The following TMCC1 variants were observed in gnomAD, a reference collection of about 807,000 sequenced individuals.
TMCC1 encodes the protein transmembrane and coiled-coil domains protein 1.
Under a neutral mutation model 52.4 loss-of-function variants are expected in TMCC1, and 15 were observed. The observed-to-expected ratio is 0.29, with a 90% confidence interval of 0.19 to 0.44. TMCC1 has a LOEUF of 0.44. Among genes scored for constraint, TMCC1 ranks in the 20% least tolerant of loss-of-function variants. The pLI is 1.00. For missense variants in TMCC1, 503 were observed against 806.0 expected, an observed-to-expected ratio of 0.62 and a Z score of 4.55; for synonymous variants, 279 against 301.9, an observed-to-expected ratio of 0.92 and a Z score of 0.79.
At chr3:129,674,809 G>A (rs2088261693) in intron 4 of TMCC1, among the ~76,000 whole-genome samples, 1 of 152,184 alleles carries the variant, frequency 6.6e-6, no homozygotes, top group African/African-American at 2.4e-5. Context: ...GGCATATTAG[G>A]CTGTTCATAT....
intron 4 of TMCC1, among the ~76,000 whole-genome samples, chr3:129,717,834 A>G (rs996642898): frequency 1.3e-5 from 2 of 152,172 alleles, no homozygotes; most frequent in South Asian, 2.1e-4. Context: ...TCTTGCCCAC[A>G]TATCTGTTCT....
At chr3:129,753,080 C>T (rs1460851419) in intron 4 of TMCC1, among the ~76,000 whole-genome samples, 1 of 152,180 alleles carries the variant, frequency 6.6e-6, no homozygotes, top group Non-Finnish European at 1.5e-5. Flanking sequence ...GGCCCTTCCT[C>T]CAACTCTGGG....
At chr3:129,720,475 A>C (rs188930164) in intron 4 of TMCC1, among the ~76,000 whole-genome samples, 19 of 152,256 alleles carry the variant, frequency 1.2e-4, no homozygotes, top group Middle Eastern at 6.8e-3. Context: ...ATGAGTGTTA[A>C]AAAGAAAAAA....
At chr3:129,736,422 A>G (rs924205485) in intron 4 of TMCC1, among the ~76,000 whole-genome samples, 1 of 152,192 alleles carries the variant, frequency 6.6e-6, no homozygotes. Flanking sequence ...TAGTTGTACA[A>G]TGTTAGGCAA....
chr3:129,660,145 C>A (rs2086926021), intron 5 of TMCC1, among the ~76,000 whole-genome samples: 2 of 151,876 alleles, frequency 1.3e-5, no homozygotes. Flanking sequence ...TTTCTCTAAG[C>A]CTTTGTTGTT....
chr3:129,790,356 T>C (rs760105522), intron 4 of TMCC1, among the ~76,000 whole-genome samples: 1 of 152,210 alleles, frequency 6.6e-6, no homozygotes, highest in Non-Finnish European at 1.5e-5. Flanking sequence ...TGTTTACGTA[T>C]GTACAAACAG....
chr3:129,745,007 A>G (rs1186238278), intron 4 of TMCC1, among the ~76,000 whole-genome samples: 2 of 152,224 alleles, frequency 1.3e-5, no homozygotes, highest in African/African-American at 4.8e-5. Context: ...CTCCATTATC[A>G]CACAATAATA....
At chr3:129,800,331 T>G (rs1459181437) in intron 4 of TMCC1, among the ~76,000 whole-genome samples, 1 of 152,202 alleles carries the variant, frequency 6.6e-6, no homozygotes. Context: ...ATATTTTTCT[T>G]GGGTATATGT....
intron 4 of TMCC1, among the ~76,000 whole-genome samples, chr3:129,683,323 T>C (rs1055238559): frequency 4.6e-5 from 7 of 152,256 alleles, no homozygotes; most frequent in East Asian, 1.9e-4. Context: ...TCTAACTTGC[T>C]TTCCCTAGTG....
In TMCC1 at chr3:129,761,458, G is replaced by A. The variant is rs537205477; in HGVS notation, c.576+66345C>T. ...GGGTCTTGCCTTGTCGCCCAGGCTGGAGTGCACTGATGCAATCACAGCTCA... is the reference window on the plus strand; with the variant it reads ...GGGTCTTGCCTTGTCGCCCAGGCTGAAGTGCACTGATGCAATCACAGCTCA... On this transcript the variant is annotated intron_variant, in intron 4 of 6. Transcript: ENST00000393238. Among the ~76,000 whole-genome samples the A allele has an allele frequency of 2.0e-5, 3 of 152,040 alleles. No individual in the cohort carries two copies. The South Asian group carries it at 6.2e-4, about 32-fold the overall frequency.
chr3:129,837,109 G>A (rs1484118775), intron 2 of TMCC1, among the ~76,000 whole-genome samples: 5 of 151,982 alleles, frequency 3.3e-5, no homozygotes, highest in East Asian at 1.9e-4. Flanking sequence ...AAATGCAGGC[G>A]GAAAGAGCTG....
In TMCC1 at chr3:129,880,426, T is replaced by A. The variant is rs1370579186; in HGVS notation, c.-301A>T. ...AAAAGACATAGAAACAGAAGATCCA[T>A]ATGAAAAAGAGATCCAATCTGGGAG... On this transcript the variant is annotated 5_prime_UTR_variant, in exon 2 of 7. The change abolishes an upstream ATG in the 5' untranslated region. Coordinates refer to ENST00000393238, the MANE Select transcript of TMCC1 (RefSeq NM_001017395.5). 2.0e-5 allele frequency: 3 copies of A among 152,158 alleles called. No individual in the cohort carries two copies. Among genetic ancestry groups the A allele is most frequent in the Non-Finnish European group, 4.4e-5 (3 of 68,026 alleles). 9.4% of individuals were successfully genotyped at this position (152,158 alleles called of 1,614,324 possible).
At chr3:129,787,252 A>C (rs1056070249) in intron 4 of TMCC1, among the ~76,000 whole-genome samples, 18 of 152,202 alleles carry the variant, frequency 1.2e-4, no homozygotes, top group African/African-American at 4.3e-4. Flanking sequence ...CCTTTGGAAT[A>C]AATTTTATTA....
chr3:129,787,121 T>A (rs1386426656), intron 4 of TMCC1, among the ~76,000 whole-genome samples: 3 of 152,200 alleles, frequency 2.0e-5, no homozygotes, highest in African/African-American at 7.2e-5. Context: ...GAAATCACCA[T>A]ATGTTTTATA....
At chr3:129,813,599 A>T (rs2057942900) in intron 4 of TMCC1, among the ~76,000 whole-genome samples, 1 of 152,152 alleles carries the variant, frequency 6.6e-6, no homozygotes, top group African/African-American at 2.4e-5. Context: ...TTAAACATTT[A>T]GTATGGACAC....
At chr3:129,799,870 AAATTTATTTTGTGTATATGTGT>A (rs2057075191) in intron 4 of TMCC1, among the ~76,000 whole-genome samples, 1 of 152,158 alleles carries the variant, frequency 6.6e-6, no homozygotes. Context: ...ACCTATACAC[AAATTTATTTTGTGTATATGTGT>A]ATGTATGCAC....
At chr3:129,677,266 T>C (rs1037050747) in intron 4 of TMCC1, among the ~76,000 whole-genome samples, 2 of 151,994 alleles carry the variant, frequency 1.3e-5, no homozygotes, top group African/African-American at 4.8e-5. Flanking sequence ...CAAAAAAGAA[T>C]AGTGACTCAG....
intron 4 of TMCC1, among the ~76,000 whole-genome samples, chr3:129,811,356 T>C (rs1371508188): frequency 2.0e-5 from 3 of 152,088 alleles, no homozygotes; most frequent in African/African-American, 7.2e-5. Context: ...ACCTCAACTC[T>C]TGGCCTCAAG....
chr3:129,779,931 T>C (rs1251144238), intron 4 of TMCC1, among the ~76,000 whole-genome samples: 1 of 152,192 alleles, frequency 6.6e-6, no homozygotes, highest in Non-Finnish European at 1.5e-5. Flanking sequence ...ACTTTAATCC[T>C]TAGCTGCCAT....
Sources: allele counts gnomAD v4.1 joint callset (sites outside exome capture counted in the v4.1 genomes callset), GRCh38; gene constraint gnomAD v4.1.1; transcripts MANE v1.5; gene names NCBI Gene and HGNC (gene_info 2026-07-23, HGNC 2026-07-21).